PZP: variants seen among roughly 807,000 people sequenced by gnomAD.
PZP encodes the protein pregnancy zone protein.
In PZP, 150 loss-of-function variants were observed where a neutral mutation model predicts 179.8. The observed-to-expected ratio is 0.83, with a 90% confidence interval of 0.73 to 0.96. The LOEUF is 0.96. Among genes scored for constraint, PZP ranks in the 40% least tolerant of loss-of-function variants. PZP has a pLI of 0.00. For synonymous variants in PZP, 624 were observed against 652.3 expected (o/e 0.96, Z 0.66); for missense variants, 1,689 against 1,764.0 (o/e 0.96, Z 0.76).
chr12:9,196,649 T>C lies in PZP; in HGVS notation c.904A>G (p.Thr302Ala), dbSNP rs775791809. The C allele has an allele frequency of 2.5e-6, 4 of 1,613,604 alleles. No individual in the cohort carries two copies. The highest frequency in any genetic ancestry group is 1.3e-5 in the African/African-American group (1 of 74,914). Residue 302 changes from threonine to alanine, a missense_variant, in exon 9 of 36, where the codon ACC (threonine) becomes GCC (alanine). Thr to Ala is a moderately conservative substitution (Grantham distance 58). Coordinates refer to ENST00000261336, the MANE Select transcript of PZP (RefSeq NM_002864.3). ...SNGCITQQVH[T>A]KMLQITNTGF... Reference sequence around the variant, plus strand: ...GTATTTGTAATCTGGAGCATTTTGGTGTGTACTTGTTGGGTGATGCAGCCA... The same window carrying C: ...GTATTTGTAATCTGGAGCATTTTGGCGTGTACTTGTTGGGTGATGCAGCCA...
At chr12:9,145,353 G>C (rs766304256), downstream of PZP, among the ~76,000 whole-genome samples, 36 of 151,542 alleles carry the variant, frequency 2.4e-4, 1 homozygote, top group South Asian at 5.0e-3. Flanking sequence ...AGACTTTTTG[G>C]GGTTACCTTG....
At chr12:9,193,922 G>A (rs1943598261) in intron 11 of PZP, among the ~76,000 whole-genome samples, 155 bp downstream of exon 11, 1 of 152,072 alleles carries the variant, frequency 6.6e-6, no homozygotes, top group African/African-American at 2.4e-5. Context: ...TGCCTTTATT[G>A]TTTTTCATGA....
intron 35 of PZP, 32 bp downstream of exon 35, chr12:9,149,529 T>C: frequency 6.3e-7 from 1 of 1,599,414 alleles, no homozygotes; most frequent in Non-Finnish European, 8.6e-7. Context: ...GTTAATGCCA[T>C]CTAGTACTGG....
At chr12:9,157,385 C>T in intron 27 of PZP, 30 bp from the exon 28 acceptor site, 1 of 1,595,642 alleles carries the variant, frequency 6.3e-7, no homozygotes, top group Non-Finnish European at 8.6e-7. Context: ...TTGTGTCAAA[C>T]TAGGGTGAAT....
rs760922110 is a variant in PZP at position 9,163,673 on chromosome 12, C to T, written c.2731G>A (p.Val911Met). 7 of 1,613,290 alleles carry T rather than the reference C, an allele frequency of 4.3e-6. No individual in the cohort carries two copies. Among genetic ancestry groups the T allele is most frequent in the Non-Finnish European group, 5.9e-6 (7 of 1,179,620 alleles). The change falls in exon 21 of 36, where the codon GTG (valine) becomes ATG (methionine). Residue 911 changes from valine to methionine, a missense_variant. Physicochemically the swap from Val to Met is conservative, Grantham distance 21 (BLOSUM62 1). This residue lies in a region of PZP where 746 missense variants were observed against 749.2 expected (regional missense o/e 1.00). Transcript: ENST00000261336. ...GACTCCCAAAAATATGTTACCTCCA[C>T]CAACAGGGTTTTGATGACTGTGTCT... ...RKDTVIKTLL[V>M]EAEGIEQEKT...
At chr12:9,162,460 A>G in intron 22 of PZP, 137 bp downstream of exon 22, 1 of 656,910 alleles carries the variant, frequency 1.5e-6, no homozygotes, top group East Asian at 2.7e-5. Flanking sequence ...AAACATACAT[A>G]AAGAAATATT....
At chr12:9,188,318 A>C (rs1166889258) in intron 13 of PZP, among the ~76,000 whole-genome samples, 1 of 152,212 alleles carries the variant, frequency 6.6e-6, no homozygotes, top group African/African-American at 2.4e-5. Context: ...AGTAAAATTC[A>C]ACACCTCTTC....
chr12:9,144,164 GAA>G (rs1491361939), downstream of PZP, among the ~76,000 whole-genome samples: 8 of 151,778 alleles, frequency 5.3e-5, no homozygotes, highest in Non-Finnish European at 1.2e-4. Flanking sequence ...GCCACATGAG[GAA>G]GAGAGAGAGA....
rs751614399 is a variant in PZP, at chr12:9,197,012, C to G, written c.867G>C (p.Gln289His). The G allele has an allele frequency of 3.1e-6, 5 of 1,596,356 alleles. No homozygotes were observed. The highest frequency in any genetic ancestry group is 4.3e-6 in the Non-Finnish European group (5 of 1,164,160). Residue 289 changes from glutamine to histidine, a missense_variant and splice_region_variant, in exon 8 of 36, where the codon CAG becomes CAC. By Grantham distance (24) the Gln-to-His change is conservative (BLOSUM62 0). This residue lies in a region of PZP where 742 missense variants were observed against 730.5 expected (regional missense o/e 1.02). Coordinates refer to ENST00000261336, the MANE Select transcript of PZP (RefSeq NM_002864.3). Reference protein sequence around the residue: ...KQEVCEEFSQQLNSNGCITQQ... With the variant: ...KQEVCEEFSQHLNSNGCITQQ... ...CTGAGGGAGAATACCGCCTACTAAC[C>G]TGTTGACTGAATTCCTCACAGACCT...
rs60393674 is a variant in PZP at position 9,196,891 on chromosome 12, C to A, written c.867+121G>T. 2,384 of 845,998 alleles carry A rather than the reference C, an allele frequency of 2.8e-3. 39 individuals carry two copies. In the African/African-American group the frequency reaches 0.034, roughly 12 times the overall value. The allele number at this position is 845,998 out of a possible 1,614,324, so 52.4% of individuals were successfully genotyped here. A position where few individuals can be genotyped will look rare whatever the true frequency, so the allele number is the denominator to read the frequency against. ...ATCTTGTTGACTAAGAACAGAAATTCGTTTTTTGGTGGGGGATATTTTGCG... is the reference window on the plus strand; with the variant it reads ...ATCTTGTTGACTAAGAACAGAAATTAGTTTTTTGGTGGGGGATATTTTGCG... On this transcript the variant is annotated intron_variant, in intron 8 of 35. Transcript: ENST00000261336.
chr12:9,144,596 C>A (rs1057062316), downstream of PZP, among the ~76,000 whole-genome samples: 2 of 152,152 alleles, frequency 1.3e-5, no homozygotes, highest in African/African-American at 2.4e-5. Flanking sequence ...GAGAATAAAC[C>A]TGAGAGGGGC....
At chr12:9,208,067 C>T (rs374139104) in intron 1 of PZP, among the ~76,000 whole-genome samples, 192 bp downstream of exon 1, 2 of 151,752 alleles carry the variant, frequency 1.3e-5, no homozygotes, top group East Asian at 3.9e-4. Flanking sequence ...TCTGATTGGC[C>T]CAGTGTAGAA....
At chr12:9,160,131 G>A in intron 24 of PZP, 106 bp from the exon 25 acceptor site, 3 of 1,199,312 alleles carry the variant, frequency 2.5e-6, no homozygotes, top group Non-Finnish European at 3.6e-6. Context: ...ATGACCTTCT[G>A]TGATCTGCCA....
At chr12:9,192,352 G>T in intron 12 of PZP, 96 bp from the exon 13 acceptor site, 2 of 1,355,584 alleles carry the variant, frequency 1.5e-6, no homozygotes, top group Non-Finnish European at 2.1e-6. Flanking sequence ...TCAAGTCTGT[G>T]CTGGAGAGAA....
rs139018213 is a variant in PZP, at chr12:9,150,738, A to G, written c.4290T>C (p.Asn1430=). 1.9e-4 allele frequency: 308 copies of G among 1,609,728 alleles called. No homozygotes were observed. Among genetic ancestry groups the G allele is most frequent in the Non-Finnish European group, 2.4e-4 (284 of 1,177,110 alleles). Residue 1430 remains asparagine, a synonymous_variant, in exon 34 of 36, where the codon AAT becomes AAC. Coordinates refer to ENST00000261336, the MANE Select transcript of PZP (RefSeq NM_002864.3). ...CCATGAAGGAAAAACTTAGCGTCTGATTTGTCACCTGAAAGGAAAAGTGGG... is the reference window on the plus strand; with the variant it reads ...CCATGAAGGAAAAACTTAGCGTCTGGTTTGTCACCTGAAAGGAAAAGTGGG... The part of the protein sequence containing the change: ...HVLIYVEQVT[N]QTLSFSFMVL...
chr12:9,194,236 C>T lies in PZP; in HGVS notation c.1095G>A (p.Val365=). Residue 365 remains valine (V), a splice_region_variant and synonymous_variant, in exon 11 of 36, where the codon GTG becomes GTA. Coordinates refer to ENST00000261336, the MANE Select transcript of PZP (RefSeq NM_002864.3). The part of the protein sequence containing the change: ...FRQGIPFFAQ[V]LLVDGKGVPI... Reference sequence around the variant, plus strand: ...GCACACCTTTTCCATCCACCAGAAGCACCTAAAGAAGAAAAGTACTTGATA... The same window carrying T: ...GCACACCTTTTCCATCCACCAGAAGTACCTAAAGAAGAAAAGTACTTGATA... 6.2e-7 allele frequency: 1 copy of T among 1,613,580 alleles called. No homozygotes were observed. Among genetic ancestry groups the T allele is most frequent in the Non-Finnish European group, 8.5e-7 (1 of 1,179,726 alleles).
At chr12:9,139,051 A>T in the PZP span, among the ~76,000 whole-genome samples, 63 of 151,972 alleles carry the variant, frequency 4.1e-4, no homozygotes, top group African/African-American at 1.4e-3. Flanking sequence ...TTCTTTGTTA[A>T]TGTAGGTATT....
intron 15 of PZP, among the ~76,000 whole-genome samples, chr12:9,174,614 C>A (rs751249760): frequency 7.4e-4 from 113 of 152,278 alleles, no homozygotes; most frequent in African/African-American, 2.6e-3. Flanking sequence ...TCAGCAAAAT[C>A]TCAGGATACA....
intron 13 of PZP, among the ~76,000 whole-genome samples, chr12:9,186,527 A>G (rs1490824460): frequency 6.6e-6 from 1 of 152,210 alleles, no homozygotes; most frequent in Non-Finnish European, 1.5e-5. Flanking sequence ...ATGCAATGAC[A>G]CTGATAGGCT....
Sources: allele counts gnomAD v4.1 joint callset (sites outside exome capture counted in the v4.1 genomes callset), GRCh38; gene constraint gnomAD v4.1.1; regional missense constraint gnomAD v4.1.1; transcripts MANE v1.5; gene names NCBI Gene and HGNC (gene_info 2026-07-23, HGNC 2026-07-21).